The following TACR3 variants were observed in gnomAD, a reference collection of about 807,000 sequenced individuals.
TACR3 encodes tachykinin receptor 3, also known as neuromedin-K receptor.
A neutral mutation model predicts 35.0 loss-of-function variants in TACR3; 34 were observed. That is an observed-to-expected ratio of 0.97 (90% CI 0.74 to 1.30). The LOEUF (loss-of-function observed/expected upper bound fraction) is 1.30. TACR3 is among the 50% of genes most tolerant of loss of function. The pLI, the probability that TACR3 is intolerant of heterozygous loss-of-function variation, is 0.00. For missense variants in TACR3, 558 were observed against 591.7 expected (o/e 0.94, Z 0.59); for synonymous variants, 233 against 221.1 (o/e 1.05, Z -0.48).
intron 1 of TACR3, among the ~76,000 whole-genome samples, chr4:103,672,139 C>G (rs1447549596): frequency 2.6e-5 from 4 of 152,120 alleles, no homozygotes; most frequent in Non-Finnish European, 5.9e-5. Flanking sequence ...TGCAGCAATT[C>G]AGTCACATCT....
chr4:103,625,259 A>G (rs1578231627), intron 3 of TACR3, among the ~76,000 whole-genome samples: 1 of 152,206 alleles, frequency 6.6e-6, no homozygotes, highest in Non-Finnish European at 1.5e-5. Flanking sequence ...ATTGAATGGT[A>G]TAAAACGTGT....
chr4:103,701,687 G>C (rs893519804), intron 1 of TACR3, among the ~76,000 whole-genome samples: 1 of 152,064 alleles, frequency 6.6e-6, no homozygotes, highest in Non-Finnish European at 1.5e-5. Flanking sequence ...GCATGGTACT[G>C]GTACCAAAAC....
At chr4:103,650,518 ATATGTATTATT>A (rs1725568138) in intron 3 of TACR3, among the ~76,000 whole-genome samples, 1 of 130,864 alleles carries the variant, frequency 7.6e-6, no homozygotes, top group Non-Finnish European at 1.6e-5. Context: ...TTATATATAA[ATATGTATTATT>A]TATATATAAA....
intron 1 of TACR3, among the ~76,000 whole-genome samples, chr4:103,710,900 G>T (rs1417901566): frequency 1.3e-5 from 2 of 152,118 alleles, no homozygotes; most frequent in Admixed American, 1.3e-4. Flanking sequence ...AGAAGAAATG[G>T]ATAAATTCCT....
intron 1 of TACR3, among the ~76,000 whole-genome samples, chr4:103,703,654 G>T (rs749975268): frequency 2.0e-5 from 3 of 152,158 alleles, no homozygotes; most frequent in Non-Finnish European, 4.4e-5. Context: ...TACCAATGAG[G>T]AAACCTCAAT....
At chr4:103,629,950 C>G (rs549878147) in intron 3 of TACR3, among the ~76,000 whole-genome samples, 2 of 151,302 alleles carry the variant, frequency 1.3e-5, no homozygotes, top group Non-Finnish European at 2.9e-5. Context: ...TACTACAAGG[C>G]TACCATAGCC....
chr4:103,599,815 A>G (rs1304814763), intron 3 of TACR3, among the ~76,000 whole-genome samples: 2 of 152,140 alleles, frequency 1.3e-5, no homozygotes, highest in Non-Finnish European at 2.9e-5. Flanking sequence ...CCCCTTGATC[A>G]TGGTGGATAA....
At chr4:103,687,987 A>T (rs1403033387) in intron 1 of TACR3, among the ~76,000 whole-genome samples, 1 of 152,200 alleles carries the variant, frequency 6.6e-6, no homozygotes, top group Non-Finnish European at 1.5e-5. Flanking sequence ...ACGCTACCTG[A>T]CTTCAAACTA....
chr4:103,601,992 G>A (rs1399457074), intron 3 of TACR3, among the ~76,000 whole-genome samples: 1 of 152,166 alleles, frequency 6.6e-6, no homozygotes, highest in African/African-American at 2.4e-5. Flanking sequence ...TTCCAACTTG[G>A]TTCCAATCTC....
At chr4:103,717,103 GAC>G (rs984971009) in intron 1 of TACR3, among the ~76,000 whole-genome samples, 1 of 152,078 alleles carries the variant, frequency 6.6e-6, no homozygotes, top group Non-Finnish European at 1.5e-5. Flanking sequence ...TGTTTGATAA[GAC>G]ACCAATGCAG....
At chr4:103,642,554 G>A (rs1483776263) in intron 3 of TACR3, among the ~76,000 whole-genome samples, 1 of 151,870 alleles carries the variant, frequency 6.6e-6, no homozygotes, top group Non-Finnish European at 1.5e-5. Flanking sequence ...AATAAGCCAG[G>A]CACAGAAAGA....
chr4:103,630,000 C>T (rs1725023034), intron 3 of TACR3, among the ~76,000 whole-genome samples: 2 of 151,978 alleles, frequency 1.3e-5, no homozygotes, highest in South Asian at 2.1e-4. Flanking sequence ...AGATATAGAC[C>T]AATGGTACAG....
chr4:103,644,088 C>T (rs900366284), intron 3 of TACR3, among the ~76,000 whole-genome samples: 2 of 151,646 alleles, frequency 1.3e-5, no homozygotes, highest in Non-Finnish European at 2.9e-5. Flanking sequence ...TTTACTGCCA[C>T]ACATAGAGAG....
At position 103,658,262 on chromosome 4, in the gene TACR3, A is replaced by G; in HGVS notation, c.690T>C (p.Arg230=). 1 of 1,614,018 alleles carries G rather than the reference A, an allele frequency of 6.2e-7. No homozygotes were observed. The highest frequency in any genetic ancestry group is 2.2e-5 in the East Asian group (1 of 44,856). Residue 230 remains arginine (R), a synonymous_variant, in exon 2 of 5, where the codon CGT becomes CGC. Coordinates refer to ENST00000304883, the MANE Select transcript of TACR3 (RefSeq NM_001059.3). Reference sequence around the variant, plus strand: ...CTGGCCATTGCACAAAGCAGAGAGTACGGCCTGGCATGACTTTGGTTTTGG... The same window carrying G: ...CTGGCCATTGCACAAAGCAGAGAGTGCGGCCTGGCATGACTTTGGTTTTGG... The part of the protein sequence containing the change: ...LYSKTKVMPG[R]TLCFVQWPEG...
At chr4:103,627,501 G>A (rs1724923122) in intron 3 of TACR3, among the ~76,000 whole-genome samples, 1 of 151,810 alleles carries the variant, frequency 6.6e-6, no homozygotes, top group African/African-American at 2.4e-5. Flanking sequence ...TCCAGCCTGG[G>A]CGATAGAGCA....
chr4:103,684,805 C>T (rs928144058), intron 1 of TACR3, among the ~76,000 whole-genome samples: 2 of 151,806 alleles, frequency 1.3e-5, no homozygotes, highest in African/African-American at 4.8e-5. Flanking sequence ...GAGCTCAAGA[C>T]CAGCCTGGCC....
intron 3 of TACR3, among the ~76,000 whole-genome samples, chr4:103,606,178 G>T (rs1257754359): frequency 6.6e-6 from 1 of 151,528 alleles, no homozygotes; most frequent in Non-Finnish European, 1.5e-5. Flanking sequence ...TGTTCCATTG[G>T]TCTATATCTC....
At chr4:103,671,151 G>T (rs1310482366) in intron 1 of TACR3, among the ~76,000 whole-genome samples, 1 of 151,878 alleles carries the variant, frequency 6.6e-6, no homozygotes, top group African/African-American at 2.4e-5. Flanking sequence ...CATGATGAGT[G>T]ATCTTTTTAA....
At chr4:103,713,227 A>C (rs1723009996) in intron 1 of TACR3, among the ~76,000 whole-genome samples, 1 of 152,104 alleles carries the variant, frequency 6.6e-6, no homozygotes, top group Non-Finnish European at 1.5e-5. Flanking sequence ...AACCAACCCA[A>C]ATGTCCATCA....
Sources: allele counts gnomAD v4.1 joint callset (sites outside exome capture counted in the v4.1 genomes callset), GRCh38; gene constraint gnomAD v4.1.1; transcripts MANE v1.5; gene names NCBI Gene and HGNC (gene_info 2026-07-23, HGNC 2026-07-21).